OR6N1: variants seen among roughly 807,000 people sequenced by gnomAD.
The protein encoded by OR6N1 is olfactory receptor family 6 subfamily N member 1, also known as olfactory receptor 6N1.
For synonymous variants in OR6N1, 170 were observed against 150.7 expected (o/e 1.13, Z -0.94); for missense variants, 394 against 371.7 (o/e 1.06, Z -0.49).
chr1:158,821,530 T>C, the OR6N1 span, among the ~76,000 whole-genome samples: 1 of 152,218 alleles, frequency 6.6e-6, no homozygotes. Context: ...ACTTTTGTCA[T>C]TTTAGAATTA....
At chr1:158,811,594 C>T in the OR6N1 span, among the ~76,000 whole-genome samples, 2 of 152,088 alleles carry the variant, frequency 1.3e-5, no homozygotes, top group African/African-American at 2.4e-5. Context: ...ATGTAGAGGC[C>T]GTATAAATAA....
chr1:158,777,000 G>A (rs1657616120), upstream of OR6N1: 6 of 1,614,148 alleles, frequency 3.7e-6, no homozygotes, highest in East Asian at 1.3e-4. Context: ...TCATGATAAA[G>A]AAGAAAGTGA....
At chr1:158,799,930 C>T in the OR6N1 span, among the ~76,000 whole-genome samples, 1 of 152,020 alleles carries the variant, frequency 6.6e-6, no homozygotes, top group African/African-American at 2.4e-5. Context: ...TTCCCGCCTA[C>T]ATGTGTTGCA....
At chr1:158,787,532 A>G in the OR6N1 span, among the ~76,000 whole-genome samples, 1 of 151,768 alleles carries the variant, frequency 6.6e-6, no homozygotes, top group Non-Finnish European at 1.5e-5. Flanking sequence ...TGTTTGGTCC[A>G]TGGGCCTTAG....
rs142714111 is a variant in OR6N1 at position 158,765,975 on chromosome 1, C to T, written c.708G>A (p.Lys236=). The change falls in exon 2 of 2, where the codon AAG becomes AAA. Residue 236 remains lysine (K), a synonymous_variant. Coordinates refer to ENST00000641846, the MANE Select transcript of OR6N1 (RefSeq NM_001005185.2). ...AGTGGGAGGCACACGTGGAGATGGC[C>T]TTCCTCTTGCCGGCAGCTGAGGGAA... The part of the protein sequence containing the change: ...LRIPSAAGKR[K]AISTCASHFT... 2.2e-5 allele frequency: 35 copies of T among 1,614,164 alleles called. No homozygotes were observed. In the African/African-American group the frequency reaches 3.9e-4, roughly 18 times the overall value.
the OR6N1 span, among the ~76,000 whole-genome samples, chr1:158,795,064 C>G: frequency 1.3e-5 from 2 of 152,142 alleles, no homozygotes; most frequent in African/African-American, 4.8e-5. Context: ...TCTGGCTCCC[C>G]ACATGTGGGT....
the OR6N1 span, among the ~76,000 whole-genome samples, chr1:158,806,259 A>C: frequency 2.0e-5 from 3 of 152,210 alleles, no homozygotes; most frequent in Admixed American, 6.5e-5. Context: ...TCTTGAAAGC[A>C]GGGACTACTC....
chr1:158,767,178 T>A (rs2102007619), intron 1 of OR6N1, among the ~76,000 whole-genome samples: 1 of 152,320 alleles, frequency 6.6e-6, no homozygotes, highest in Non-Finnish European at 1.5e-5. Flanking sequence ...ACTTTCTGGC[T>A]ACCAAAGAAT....
At chr1:158,821,415 T>C in the OR6N1 span, among the ~76,000 whole-genome samples, 1 of 152,210 alleles carries the variant, frequency 6.6e-6, no homozygotes, top group Non-Finnish European at 1.5e-5. Flanking sequence ...TATCCACCAT[T>C]ATAGTATCAT....
the OR6N1 span, among the ~76,000 whole-genome samples, chr1:158,838,058 A>G: frequency 6.6e-6 from 1 of 151,980 alleles, no homozygotes; most frequent in Non-Finnish European, 1.5e-5. Flanking sequence ...ACCAATTAAC[A>G]TTGATTTATA....
the OR6N1 span, among the ~76,000 whole-genome samples, chr1:158,801,407 T>A: frequency 3.3e-5 from 5 of 151,952 alleles, no homozygotes; most frequent in African/African-American, 1.2e-4. Context: ...ACATGAAGAA[T>A]CAATGAACAG....
chr1:158,765,468 C>A lies in OR6N1; in HGVS notation c.*276G>T. 3.3e-6 allele frequency: 1 copy of A among 306,446 alleles called. No homozygotes were observed. The highest frequency in any genetic ancestry group is 6.1e-6 in the Non-Finnish European group (1 of 165,208). The allele number at this position is 306,446 out of a possible 1,614,324, so 19.0% of individuals were successfully genotyped here. On this transcript the variant is annotated 3_prime_UTR_variant, in exon 2 of 2. Coordinates refer to ENST00000641846, the MANE Select transcript of OR6N1 (RefSeq NM_001005185.2). ...GTAAGACACAGATTTTAAAAAAAAC[C>A]TAAGTGTGATACATAAACATCTGAG...
chr1:158,804,373 TA>T, the OR6N1 span, among the ~76,000 whole-genome samples: 1 of 152,208 alleles, frequency 6.6e-6, no homozygotes, highest in East Asian at 1.9e-4. Context: ...CCATTGCAAC[TA>T]AAAAACAAGT....
At chr1:158,777,253 C>G in the OR6N1 span, 8,411 of 1,613,978 alleles carry the variant, frequency 5.2e-3, 31 homozygotes, top group Non-Finnish European at 6.0e-3. Flanking sequence ...GTGGAGGGGC[C>G]GACAAATGGC....
the OR6N1 span, among the ~76,000 whole-genome samples, chr1:158,835,621 C>A: frequency 2.9e-5 from 1 of 35,008 alleles, no homozygotes; most frequent in Non-Finnish European, 5.7e-5. Context: ...TTGGTGGGGG[C>A]GGGGGGTGGG....
the OR6N1 span, among the ~76,000 whole-genome samples, chr1:158,821,036 C>G: frequency 6.6e-6 from 1 of 152,154 alleles, no homozygotes; most frequent in Non-Finnish European, 1.5e-5. Context: ...TATCACAGGG[C>G]GATCACTTTT....
At chr1:158,810,838 T>G in the OR6N1 span, among the ~76,000 whole-genome samples, 22 of 152,214 alleles carry the variant, frequency 1.4e-4, no homozygotes, top group African/African-American at 5.1e-4. Flanking sequence ...TGTGTCCATT[T>G]TTTTTTACTA....
the OR6N1 span, among the ~76,000 whole-genome samples, chr1:158,818,387 A>G: frequency 6.6e-6 from 1 of 152,188 alleles, no homozygotes; most frequent in East Asian, 1.9e-4. Context: ...TGGGATTTAA[A>G]AAAGGGTCAA....
chr1:158,782,665 T>C, the OR6N1 span, among the ~76,000 whole-genome samples: 2 of 152,318 alleles, frequency 1.3e-5, no homozygotes, highest in South Asian at 4.1e-4. Context: ...AATAATTCCA[T>C]GATTAGGTAT....
Sources: allele counts gnomAD v4.1 joint callset (sites outside exome capture counted in the v4.1 genomes callset), GRCh38; gene constraint gnomAD v4.1.1; transcripts MANE v1.5; gene names NCBI Gene and HGNC (gene_info 2026-07-23, HGNC 2026-07-21).